Variants in CAPN13 observed in about 807,000 individuals in gnomAD.
The protein encoded by CAPN13 is calpain-13.
In CAPN13, 90 loss-of-function variants were observed where a neutral mutation model predicts 98.4. The observed-to-expected ratio is 0.92, with a 90% confidence interval of 0.77 to 1.09. The LOEUF is 1.09. Ranked by LOEUF, CAPN13 falls within the 50% of genes least tolerant of loss-of-function variation. The probability of loss-of-function intolerance (pLI) is 0.00; values close to 1 mark genes in which losing one functional copy is unlikely to be tolerated. For synonymous variants in CAPN13, 330 were observed against 305.5 expected (o/e 1.08, Z -0.84); for missense variants, 887 against 841.3 (o/e 1.05, Z -0.67).
chr2:30,767,509 C>T (rs1031631567), intron 5 of CAPN13, among the ~76,000 whole-genome samples: 17 of 152,144 alleles, frequency 1.1e-4, no homozygotes, highest in African/African-American at 3.6e-4. Context: ...CTGGTCTCCC[C>T]GTTTTTACAT....
chr2:30,737,677 G>A (rs1671443043), intron 17 of CAPN13: 1 of 158,542 alleles, frequency 6.3e-6, no homozygotes, highest in Non-Finnish European at 1.4e-5. Flanking sequence ...TATCTTGATT[G>A]AATTGGGGAC....
chr2:30,777,670 A>G lies in CAPN13; in HGVS notation c.199-31T>C, dbSNP rs754271530. On this transcript the variant is annotated intron_variant, in intron 2 of 22. Coordinates refer to ENST00000295055, the MANE Select transcript of CAPN13 (RefSeq NM_144575.3). ...GGAAAGAGGGAGAAAAGCTATGAAC[A>G]TCGTTTATTCCTTTGTATCCCAAAG... 1.3e-5 allele frequency: 20 copies of G among 1,497,938 alleles called. 1 individual carries two copies. The South Asian group carries it at 2.4e-4, about 18-fold the overall frequency. The allele number at this position is 1,497,938 out of a possible 1,614,324, so 92.8% of individuals were successfully genotyped here.
intron 8 of CAPN13, among the ~76,000 whole-genome samples, chr2:30,756,547 C>A (rs1265432420): frequency 6.6e-6 from 1 of 152,222 alleles, no homozygotes; most frequent in Middle Eastern, 3.2e-3. Flanking sequence ...GCCTCTTCTC[C>A]TACCCCAGGG....
intron 1 of CAPN13, 125 bp from the exon 2 acceptor site, chr2:30,787,482 G>C (rs1175006007): frequency 3.2e-6 from 2 of 634,386 alleles, no homozygotes; most frequent in Non-Finnish European, 5.2e-6. Context: ...AGTCTGCACT[G>C]TCCCTGGTGG....
chr2:30,803,996 C>T (rs574694206), intron 1 of CAPN13, among the ~76,000 whole-genome samples: 39 of 152,318 alleles, frequency 2.6e-4, no homozygotes, highest in African/African-American at 8.7e-4. Flanking sequence ...ACCCCCACAG[C>T]CTTCCCTTAT....
chr2:30,760,382 A>G (rs1403605288), intron 7 of CAPN13, among the ~76,000 whole-genome samples: 2 of 152,190 alleles, frequency 1.3e-5, no homozygotes, highest in Non-Finnish European at 2.9e-5. Context: ...TTGGTGTCCC[A>G]AACAGCTTAA....
chr2:30,771,408 G>A (rs1006050372), intron 4 of CAPN13, among the ~76,000 whole-genome samples: 11 of 152,156 alleles, frequency 7.2e-5, no homozygotes, highest in African/African-American at 1.2e-4. Flanking sequence ...GCATCCAGCC[G>A]AGGATGCAAT....
intron 1 of CAPN13, among the ~76,000 whole-genome samples, chr2:30,787,802 C>A (rs1372728061): frequency 1.3e-5 from 2 of 151,962 alleles, no homozygotes; most frequent in Non-Finnish European, 2.9e-5. Context: ...GATGACATTG[C>A]CAGAAAGGTA....
intron 4 of CAPN13, 113 bp downstream of exon 4, chr2:30,775,817 C>A (rs1346912832): frequency 1.2e-5 from 7 of 578,824 alleles, no homozygotes; most frequent in Non-Finnish European, 1.7e-5. Flanking sequence ...GTAACTAACA[C>A]AACTGTCACT....
chr2:30,745,473 C>T (rs772011281), intron 12 of CAPN13, among the ~76,000 whole-genome samples: 5 of 152,176 alleles, frequency 3.3e-5, no homozygotes, highest in Non-Finnish European at 5.9e-5. Flanking sequence ...GGCCACGGGC[C>T]TGAGGATGGT....
chr2:30,752,419 G>A (rs2147992117), intron 10 of CAPN13, among the ~76,000 whole-genome samples: 1 of 152,344 alleles, frequency 6.6e-6, no homozygotes, highest in Middle Eastern at 3.4e-3. Flanking sequence ...GGGACAGGGA[G>A]GGAATGTGAC....
At chr2:30,777,382 T>G (rs1229718699) in intron 3 of CAPN13, among the ~76,000 whole-genome samples, 185 bp downstream of exon 3, 1 of 152,258 alleles carries the variant, frequency 6.6e-6, no homozygotes, top group Admixed American at 6.5e-5. Flanking sequence ...ATGTTTGCTT[T>G]CATTTTTCCT....
rs59403976 is a variant in CAPN13 at position 30,760,137 on chromosome 2, CA to C, written c.775-2001del. On this transcript the variant is annotated intron_variant, in intron 7 of 22. Transcript: ENST00000295055. The stretch of plus-strand genomic sequence containing the variant: ...TTGCTGGGTCGCCCAGGCTGGAGTG[CA>C]GTGGCACGATCTCGGCTCACTGCAA... Among the ~76,000 whole-genome samples the C allele has an allele frequency of 1.5e-3, 232 of 152,322 alleles. 1 individual carries two copies. Among genetic ancestry groups the C allele is most frequent in the African/African-American group, 5.3e-3 (222 of 41,566 alleles).
chr2:30,786,136 G>C (rs2148071206), intron 2 of CAPN13, among the ~76,000 whole-genome samples: 1 of 152,286 alleles, frequency 6.6e-6, no homozygotes, highest in South Asian at 2.1e-4. Context: ...GGACCTCATA[G>C]CCTCTTAGTA....
At chr2:30,774,905 C>T (rs1673605331) in intron 4 of CAPN13, among the ~76,000 whole-genome samples, 2 of 152,130 alleles carry the variant, frequency 1.3e-5, no homozygotes, top group Non-Finnish European at 1.5e-5. Context: ...TTTTTAGCAA[C>T]TTGAATGTAC....
chr2:30,777,692 A>G (rs1180092199), intron 2 of CAPN13, 53 bp from the exon 3 acceptor site: 1 of 1,363,270 alleles, frequency 7.3e-7, no homozygotes, highest in African/African-American at 1.4e-5. Context: ...TTTGTATCCC[A>G]AAGCGACATC....
intron 22 of CAPN13, among the ~76,000 whole-genome samples, chr2:30,725,332 T>C (rs1368418272): frequency 3.3e-5 from 5 of 152,326 alleles, no homozygotes; most frequent in African/African-American, 9.6e-5. Flanking sequence ...GAAATATATA[T>C]GATGGGAAGA....
At chr2:30,757,952 G>T in intron 8 of CAPN13, 94 bp downstream of exon 8, 1 of 887,036 alleles carries the variant, frequency 1.1e-6, no homozygotes, top group South Asian at 1.8e-5. Flanking sequence ...AGTGAGATGC[G>T]CAGTGGCTAG....
At chr2:30,724,820 G>A (rs921641367) in intron 22 of CAPN13, among the ~76,000 whole-genome samples, 3 of 152,032 alleles carry the variant, frequency 2.0e-5, no homozygotes, top group Non-Finnish European at 2.9e-5. Flanking sequence ...ATCTAGCCAG[G>A]TCTCTCGAAA....
Sources: gnomAD v4.1 joint callset for allele counts (sites outside exome capture counted in the v4.1 genomes callset) on GRCh38, gnomAD v4.1.1 for gene constraint, MANE v1.5 for transcripts, NCBI Gene and HGNC (gene_info 2026-07-23, HGNC 2026-07-21) for gene names.